The following PRKG1 variants were observed in gnomAD, a reference collection of about 807,000 sequenced individuals.
The protein encoded by PRKG1 is cGMP-dependent protein kinase 1.
PRKG1 carries 35 observed loss-of-function variants against 88.1 expected under a neutral mutation model. That is an observed-to-expected ratio of 0.40 (90% CI 0.30 to 0.53). The LOEUF (loss-of-function observed/expected upper bound fraction) is 0.53, where lower values mean the gene tolerates loss of function less well. Among genes scored for constraint, PRKG1 ranks in the 20% least tolerant of loss-of-function variants. The probability of loss-of-function intolerance (pLI) is 0.59; values close to 1 mark genes in which losing one functional copy is unlikely to be tolerated. For missense variants in PRKG1, 540 were observed against 839.8 expected (o/e 0.64, Z 4.41); for synonymous variants, 303 against 292.5 (o/e 1.04, Z -0.37).
chr10:51,762,401 G>A (rs1354146936), intron 3 of PRKG1, among the ~76,000 whole-genome samples: 1 of 152,154 alleles, frequency 6.6e-6, no homozygotes, highest in Non-Finnish European at 1.5e-5. Flanking sequence ...AGCTCTTATT[G>A]ATTGGGTATA....
At chr10:51,099,829 G>A (rs936157795) in intron 1 of PRKG1, among the ~76,000 whole-genome samples, 1 of 152,152 alleles carries the variant, frequency 6.6e-6, no homozygotes, top group African/African-American at 2.4e-5. Flanking sequence ...TATAATTTTA[G>A]TCATTGTGTT....
At chr10:51,448,279 CAA>C (rs573480453) in intron 2 of PRKG1, among the ~76,000 whole-genome samples, 1 of 151,902 alleles carries the variant, frequency 6.6e-6, no homozygotes, top group East Asian at 2.0e-4. Context: ...AGAAAATAAA[CAA>C]AAAAACTTTC....
intron 2 of PRKG1, among the ~76,000 whole-genome samples, chr10:51,386,414 C>T (rs1259117652): frequency 6.6e-6 from 1 of 152,040 alleles, no homozygotes; most frequent in Non-Finnish European, 1.5e-5. Context: ...GAGTCTGAGT[C>T]CAAAGGCCTG....
chr10:51,014,946 T>C (rs1160062558), intron 1 of PRKG1, among the ~76,000 whole-genome samples: 1 of 152,146 alleles, frequency 6.6e-6, no homozygotes, highest in Admixed American at 6.5e-5. Context: ...TTTCAAGCAA[T>C]AAGGCAAAGT....
At chr10:51,594,930 A>C (rs1303397593) in intron 3 of PRKG1, among the ~76,000 whole-genome samples, 2 of 152,226 alleles carry the variant, frequency 1.3e-5, no homozygotes, top group Non-Finnish European at 2.9e-5. Flanking sequence ...GATTAGAAAA[A>C]AAATAAATGT....
chr10:52,266,924 T>C (rs1841585442), intron 10 of PRKG1, among the ~76,000 whole-genome samples: 1 of 152,036 alleles, frequency 6.6e-6, no homozygotes, highest in Non-Finnish European at 1.5e-5. Context: ...CATAACTATC[T>C]AGGCTAGTCC....
intron 2 of PRKG1, among the ~76,000 whole-genome samples, chr10:51,234,151 T>C (rs561885843): frequency 6.6e-5 from 10 of 152,174 alleles, no homozygotes; most frequent in Admixed American, 1.3e-4. Flanking sequence ...AGGTCAGTCT[T>C]TCTGAATTCA....
chr10:52,227,462 C>G (rs573332644), intron 9 of PRKG1, among the ~76,000 whole-genome samples: 1 of 152,038 alleles, frequency 6.6e-6, no homozygotes, highest in Non-Finnish European at 1.5e-5. Flanking sequence ...CAACTATTTA[C>G]GTTGTAAATA....
intron 9 of PRKG1, among the ~76,000 whole-genome samples, chr10:52,201,157 G>C (rs989071410): frequency 3.9e-5 from 6 of 151,988 alleles, no homozygotes; most frequent in African/African-American, 1.5e-4. Context: ...GTATTTCCTA[G>C]GTTATCTTCA....
intron 7 of PRKG1, among the ~76,000 whole-genome samples, chr10:52,087,159 A>G (rs1040008611): frequency 2.0e-5 from 3 of 152,180 alleles, no homozygotes; most frequent in Non-Finnish European, 4.4e-5. Context: ...TTTCTCCAGC[A>G]ACGTATGAGG....
chr10:51,286,680 A>G (rs987604714), intron 2 of PRKG1, among the ~76,000 whole-genome samples: 4 of 152,180 alleles, frequency 2.6e-5, no homozygotes, highest in African/African-American at 7.2e-5. Flanking sequence ...AACATTTGTC[A>G]TTTCTTTGTC....
chr10:52,078,757 A>G (rs954589701), intron 7 of PRKG1, among the ~76,000 whole-genome samples: 1 of 152,270 alleles, frequency 6.6e-6, no homozygotes, highest in Admixed American at 6.5e-5. Context: ...TATAAATCTT[A>G]CAGTTTCTCC....
Position 52,280,917 on chromosome 10 carries a change from G to A in PRKG1, c.1532G>A (p.Gly511Asp), listed in dbSNP as rs1841990442. The A allele has an allele frequency of 1.2e-6, 2 of 1,613,058 alleles. No individual in the cohort carries two copies. Among genetic ancestry groups the A allele is most frequent in the Non-Finnish European group, 1.7e-6 (2 of 1,179,500 alleles). ...GAAAATCTCATCCTAGATCACCGAG[G>A]TTATGCCAAACTGGTCAGTGCATTT... ...KPENLILDHR[G>D]YAKLVDFGFA... The change falls in exon 13 of 18, where the codon GGT (glycine) becomes GAT (aspartate). Residue 511 changes from glycine to aspartate, a missense_variant. Transcript: ENST00000373980.
In PRKG1 at chr10:51,679,243, G is replaced by GT. The variant is rs762951333; in HGVS notation, c.593-125338dup. 1.2e-3 allele frequency among the ~76,000 whole-genome samples: 178 copies of GT among 152,240 alleles called. 2 individuals carry two copies. The Middle Eastern group carries it at 0.037, about 32-fold the overall frequency. ...AGTCAGTAGTCTCGCAAAAGGACCT[G>GT]TTTTACACTCAGGGTTCCTAAGAAG... On this transcript the variant is annotated intron_variant, in intron 3 of 17. Coordinates refer to ENST00000373980, the MANE Select transcript of PRKG1 (RefSeq NM_006258.4).
chr10:51,185,846 C>T (rs1357396948), intron 2 of PRKG1, among the ~76,000 whole-genome samples: 2 of 151,648 alleles, frequency 1.3e-5, no homozygotes, highest in South Asian at 2.1e-4. Context: ...TTACAAACTA[C>T]TCTGCAGTGA....
chr10:51,310,607 T>A (rs187232550), intron 2 of PRKG1, among the ~76,000 whole-genome samples: 158 of 152,308 alleles, frequency 1.0e-3, no homozygotes, highest in African/African-American at 3.6e-3. Context: ...ATATTTTTAT[T>A]TTTTTATTTT....
At chr10:51,759,568 C>T (rs1837965712) in intron 3 of PRKG1, among the ~76,000 whole-genome samples, 1 of 152,178 alleles carries the variant, frequency 6.6e-6, no homozygotes, top group Non-Finnish European at 1.5e-5. Flanking sequence ...GACACCACGC[C>T]TGGCCTGATT....
chr10:51,067,765 T>C (rs1843771379), intron 1 of PRKG1, among the ~76,000 whole-genome samples: 1 of 152,190 alleles, frequency 6.6e-6, no homozygotes, highest in African/African-American at 2.4e-5. Flanking sequence ...TTTCCTATTG[T>C]ACATTTATTT....
At chr10:52,080,352 C>T (rs2133302824) in intron 7 of PRKG1, among the ~76,000 whole-genome samples, 1 of 152,202 alleles carries the variant, frequency 6.6e-6, no homozygotes, top group Non-Finnish European at 1.5e-5. Flanking sequence ...TAAGAGCTGG[C>T]CCATGTCCCG....
Sources: gnomAD v4.1 joint callset for allele counts (sites outside exome capture counted in the v4.1 genomes callset) on GRCh38, gnomAD v4.1.1 for gene constraint, MANE v1.5 for transcripts, NCBI Gene and HGNC (gene_info 2026-07-23, HGNC 2026-07-21) for gene names.